Variants in SBF2 observed in about 807,000 individuals in gnomAD.
SBF2 encodes the protein SET binding factor 2.
A neutral mutation model predicts 225.2 loss-of-function variants in SBF2; 112 were observed. The ratio of observed to expected loss-of-function variants is 0.50; its 90% CI spans 0.43 to 0.58. The LOEUF is 0.58. SBF2 is among the 20% of genes least tolerant of loss of function. SBF2 has a pLI of 0.00. For missense variants in SBF2, 1,996 were observed against 2,206.2 expected, an observed-to-expected ratio of 0.90 and a Z score of 1.91; for synonymous variants, 763 against 773.3, an observed-to-expected ratio of 0.99 and a Z score of 0.22.
At chr11:9,995,267 G>A (rs1947642468) in intron 9 of SBF2, among the ~76,000 whole-genome samples, 1 of 152,170 alleles carries the variant, frequency 6.6e-6, no homozygotes, top group Admixed American at 6.5e-5. Context: ...GGGAAAGAAG[G>A]ACCTGTGAAG....
At chr11:9,821,238 G>T (rs527511451) in intron 28 of SBF2, among the ~76,000 whole-genome samples, 1 of 152,262 alleles carries the variant, frequency 6.6e-6, no homozygotes, top group East Asian at 1.9e-4. Context: ...GGCACTCAAA[G>T]AATTTGTTGA....
intron 10 of SBF2, among the ~76,000 whole-genome samples, chr11:9,993,341 C>T (rs1947525929): frequency 6.6e-6 from 1 of 152,092 alleles, no homozygotes; most frequent in Non-Finnish European, 1.5e-5. Context: ...TAGTCAATGC[C>T]TTACTTAATT....
chr11:9,963,190 C>T (rs974865113), intron 15 of SBF2, among the ~76,000 whole-genome samples: 5 of 152,160 alleles, frequency 3.3e-5, no homozygotes, highest in African/African-American at 1.2e-4. Flanking sequence ...TTTGGCCAAG[C>T]ATGTTGGCTC....
chr11:10,126,256 A>G (rs906305708), intron 2 of SBF2, among the ~76,000 whole-genome samples: 4 of 152,054 alleles, frequency 2.6e-5, no homozygotes, highest in African/African-American at 9.7e-5. Flanking sequence ...CAACCCTAAT[A>G]CTGTATATTA....
intron 28 of SBF2, among the ~76,000 whole-genome samples, chr11:9,817,732 C>G (rs1256874347): frequency 1.4e-5 from 2 of 141,738 alleles, no homozygotes; most frequent in South Asian, 4.5e-4. Context: ...TGGTGAAACC[C>G]CGTCTCTACC....
intron 6 of SBF2, among the ~76,000 whole-genome samples, chr11:10,009,306 C>T (rs924800882): frequency 2.0e-5 from 3 of 152,124 alleles, no homozygotes; most frequent in African/African-American, 4.8e-5. Flanking sequence ...ATGTGCAGAA[C>T]GTGAAGGTTT....
At chr11:9,919,587 A>G (rs1863429348) in intron 16 of SBF2, among the ~76,000 whole-genome samples, 2 of 152,042 alleles carry the variant, frequency 1.3e-5, no homozygotes, top group Admixed American at 1.3e-4. Context: ...ACAAAACAGG[A>G]TAGGGATTTT....
chr11:9,914,910 G>GT (rs1862947727), intron 16 of SBF2, among the ~76,000 whole-genome samples: 1 of 116,846 alleles, frequency 8.6e-6, no homozygotes, highest in African/African-American at 3.3e-5. Flanking sequence ...TTTATAGTGG[G>GT]GGGGGCTATA....
exon 1 of SBF2, chr11:10,304,748 G>A (rs1179826718): frequency 1.3e-5 from 2 of 152,342 alleles, no homozygotes; most frequent in Non-Finnish European, 2.9e-5. Flanking sequence ...GGGCCGCATG[G>A]GTCCTGGATA....
At chr11:10,291,388 T>G (rs1203472061) in intron 1 of SBF2, among the ~76,000 whole-genome samples, 2 of 152,196 alleles carry the variant, frequency 1.3e-5, no homozygotes, top group Non-Finnish European at 2.9e-5. Flanking sequence ...GTCAGAGTCT[T>G]CATCTTGGAT....
chr11:10,092,831 G>A (rs1003481888), intron 2 of SBF2, among the ~76,000 whole-genome samples: 2 of 152,060 alleles, frequency 1.3e-5, no homozygotes, highest in African/African-American at 4.8e-5. Flanking sequence ...TGCAGTGTAG[G>A]CAATTTTACT....
At chr11:10,179,547 T>C (rs1231812920) in intron 2 of SBF2, among the ~76,000 whole-genome samples, 1 of 152,192 alleles carries the variant, frequency 6.6e-6, no homozygotes, top group Non-Finnish European at 1.5e-5. Context: ...ATTTGTTTTA[T>C]AGTGCAGATT....
intron 1 of SBF2, among the ~76,000 whole-genome samples, chr11:10,236,387 C>T (rs1175636302): frequency 2.0e-5 from 3 of 152,166 alleles, no homozygotes; most frequent in Non-Finnish European, 2.9e-5. Context: ...CACTTGGCTG[C>T]AGGAGTTCAA....
At chr11:10,129,189 G>A (rs1241960231) in intron 2 of SBF2, among the ~76,000 whole-genome samples, 5 of 136,122 alleles carry the variant, frequency 3.7e-5, no homozygotes, top group Non-Finnish European at 6.1e-5. Context: ...CTGCAACCTC[G>A]ACCTCCCCAG....
intron 2 of SBF2, among the ~76,000 whole-genome samples, chr11:10,177,681 G>T (rs1422103478): frequency 4.0e-5 from 6 of 151,834 alleles, no homozygotes; most frequent in African/African-American, 1.2e-4. Context: ...CACTGCTCAA[G>T]GAAATAAAAG....
intron 16 of SBF2, among the ~76,000 whole-genome samples, chr11:9,939,591 C>T (rs1161601597): frequency 6.6e-6 from 1 of 152,130 alleles, no homozygotes; most frequent in Non-Finnish European, 1.5e-5. Flanking sequence ...TTTATATGTA[C>T]TTTTACCACC....
chr11:9,905,773 A>C (rs1322980274), intron 16 of SBF2, among the ~76,000 whole-genome samples: 1 of 152,234 alleles, frequency 6.6e-6, no homozygotes, highest in Non-Finnish European at 1.5e-5. Flanking sequence ...GTTAAAACTC[A>C]GTAGCAGCTC....
intron 18 of SBF2, among the ~76,000 whole-genome samples, 197 bp from the exon 19 acceptor site, chr11:9,856,917 A>G (rs1857364590): frequency 6.6e-6 from 1 of 150,868 alleles, no homozygotes; most frequent in Non-Finnish European, 1.5e-5. Flanking sequence ...CCTCCCGAGT[A>G]GCTGGGACTA....
intron 1 of SBF2, among the ~76,000 whole-genome samples, chr11:10,290,745 G>T (rs914169114): frequency 6.6e-6 from 1 of 152,148 alleles, no homozygotes; most frequent in Non-Finnish European, 1.5e-5. Flanking sequence ...GGAGGTATCA[G>T]TATGAATTCA....
Sources: allele counts gnomAD v4.1 joint callset (sites outside exome capture counted in the v4.1 genomes callset), GRCh38; gene constraint gnomAD v4.1.1; transcripts MANE v1.5; gene names NCBI Gene and HGNC (gene_info 2026-07-23, HGNC 2026-07-21).